The following CADPS2 variants were observed in gnomAD, a reference collection of about 807,000 sequenced individuals.
CADPS2 encodes the protein calcium dependent secretion activator 2.
Under a neutral mutation model 172.5 loss-of-function variants are expected in CADPS2, and 93 were observed. That is an observed-to-expected ratio of 0.54 (90% CI 0.46 to 0.64). CADPS2 has a LOEUF of 0.64. Ranked by LOEUF, CADPS2 falls within the 30% of genes least tolerant of loss-of-function variation. The pLI is 0.00. For missense variants in CADPS2, 1,420 were observed against 1,565.9 expected, an observed-to-expected ratio of 0.91 and a Z score of 1.57; for synonymous variants, 546 against 555.2, an observed-to-expected ratio of 0.98 and a Z score of 0.23.
intron 1 of CADPS2, among the ~76,000 whole-genome samples, chr7:122,758,869 G>GA (rs1277311030): frequency 6.6e-6 from 1 of 151,446 alleles, no homozygotes; most frequent in Non-Finnish European, 1.5e-5. Context: ...TTTAGGGGAG[G>GA]AAAAAAACAG....
chr7:122,486,387 A>G (rs2057816889), intron 11 of CADPS2, among the ~76,000 whole-genome samples: 1 of 152,148 alleles, frequency 6.6e-6, no homozygotes, highest in Non-Finnish European at 1.5e-5. Context: ...ACCCTCAGGG[A>G]TAACTTTAAG....
intron 2 of CADPS2, among the ~76,000 whole-genome samples, chr7:122,677,571 T>A (rs2082513599): frequency 6.6e-6 from 1 of 152,222 alleles, no homozygotes; most frequent in African/African-American, 2.4e-5. Context: ...AGCTAAAATT[T>A]ATTTTAGGGA....
intron 1 of CADPS2, among the ~76,000 whole-genome samples, chr7:122,752,209 C>T (rs978249203): frequency 6.6e-6 from 1 of 152,132 alleles, no homozygotes; most frequent in Non-Finnish European, 1.5e-5. Context: ...ACATTAGTTT[C>T]TTTCTCAGTT....
At chr7:122,605,194 C>G (rs544210516) in intron 6 of CADPS2, among the ~76,000 whole-genome samples, 1 of 152,058 alleles carries the variant, frequency 6.6e-6, no homozygotes, top group African/African-American at 2.4e-5. Context: ...CGGGAAGTTG[C>G]TCTAGGTGAG....
At chr7:122,619,496 G>C (rs552390314) in intron 5 of CADPS2, among the ~76,000 whole-genome samples, 50 of 151,664 alleles carry the variant, frequency 3.3e-4, no homozygotes, top group African/African-American at 1.2e-3. Flanking sequence ...GCATTGTGTT[G>C]CATGTCTGTA....
At chr7:122,404,136 T>TC (rs900116513) in intron 20 of CADPS2, among the ~76,000 whole-genome samples, 2 of 151,754 alleles carry the variant, frequency 1.3e-5, no homozygotes, top group Non-Finnish European at 2.9e-5. Context: ...ATGCTATCCC[T>TC]CCCCCCTCTC....
intron 1 of CADPS2, among the ~76,000 whole-genome samples, chr7:122,768,964 A>G (rs898265619): frequency 1.3e-5 from 2 of 152,312 alleles, no homozygotes; most frequent in East Asian, 1.9e-4. Context: ...CAGAAAAAAA[A>G]AAAGAAAGAA....
chr7:122,359,322 A>G (rs537968497), intron 27 of CADPS2, among the ~76,000 whole-genome samples: 8 of 152,112 alleles, frequency 5.3e-5, no homozygotes, highest in African/African-American at 1.9e-4. Flanking sequence ...GTAGGCTGCC[A>G]TATGGTCATC....
chr7:122,839,664 C>A lies in CADPS2; in HGVS notation c.339+46335G>T, dbSNP rs182952866. On this transcript the variant is annotated intron_variant, in intron 1 of 29. Transcript: ENST00000449022. ...CAAAAGAAGACATTTATGCAGCCAA[C>A]AGACACATGAGAAAATGCTCATCAC... is the stretch of plus-strand genomic sequence containing the variant. Among the ~76,000 whole-genome samples the A allele has an allele frequency of 2.6e-3, 390 of 152,256 alleles. 2 individuals are homozygous for A. The highest frequency in any genetic ancestry group is 8.3e-3 in the African/African-American group (344 of 41,550).
intron 1 of CADPS2, among the ~76,000 whole-genome samples, chr7:122,749,989 G>A (rs1461298199): frequency 1.3e-5 from 2 of 149,918 alleles, no homozygotes; most frequent in Non-Finnish European, 1.5e-5. Context: ...AAAAGAGAGA[G>A]TATGTAACTT....
At chr7:122,790,782 T>C (rs1413622720) in intron 1 of CADPS2, among the ~76,000 whole-genome samples, 1 of 152,174 alleles carries the variant, frequency 6.6e-6, no homozygotes, top group Non-Finnish European at 1.5e-5. Flanking sequence ...CATGACTAGT[T>C]CTGCCTAATT....
At chr7:122,735,201 A>G (rs2092058565) in intron 2 of CADPS2, among the ~76,000 whole-genome samples, 1 of 152,130 alleles carries the variant, frequency 6.6e-6, no homozygotes, top group Non-Finnish European at 1.5e-5. Flanking sequence ...ATTTTGGGGC[A>G]CTGCAACCAA....
intron 6 of CADPS2, among the ~76,000 whole-genome samples, chr7:122,581,954 A>T (rs987853906): frequency 6.6e-6 from 1 of 152,110 alleles, no homozygotes; most frequent in African/African-American, 2.4e-5. Flanking sequence ...CTCTTAATTA[A>T]TAGCATCTTG....
chr7:122,570,528 A>T (rs1381898719), intron 7 of CADPS2, among the ~76,000 whole-genome samples: 2 of 148,498 alleles, frequency 1.3e-5, no homozygotes, highest in Admixed American at 1.3e-4. Context: ...CCATCCCATT[A>T]CTGGGTATAT....
intron 3 of CADPS2, among the ~76,000 whole-genome samples, chr7:122,658,486 C>T (rs1045287486): frequency 6.6e-6 from 1 of 152,156 alleles, no homozygotes; most frequent in African/African-American, 2.4e-5. Context: ...TTGGAACCAA[C>T]CCAAATGTCA....
intron 7 of CADPS2, among the ~76,000 whole-genome samples, chr7:122,574,429 G>GAGT (rs2067690189): frequency 1.0e-5 from 1 of 96,466 alleles, no homozygotes; most frequent in Non-Finnish European, 1.9e-5. Context: ...CTGGGTGATA[G>GAGT]AGTGAGACCC....
chr7:122,416,025 A>T, intron 18 of CADPS2, 36 bp downstream of exon 18: 1 of 1,335,734 alleles, frequency 7.5e-7, no homozygotes, highest in Non-Finnish European at 1.0e-6. Context: ...GAAGCCTTAC[A>T]TATAGCTTTA....
chr7:122,490,364 A>C (rs2058176217), intron 10 of CADPS2, 83 bp from the exon 11 acceptor site: 4 of 1,040,228 alleles, frequency 3.8e-6, no homozygotes, highest in Non-Finnish European at 5.9e-6. Context: ...CCTCATGGAA[A>C]AGAATGGCTT....
intron 1 of CADPS2, among the ~76,000 whole-genome samples, chr7:122,805,593 TCCTTCCAAAATTG>T (rs1798627784): frequency 6.6e-6 from 1 of 152,224 alleles, no homozygotes; most frequent in Admixed American, 6.5e-5. Context: ...TAAGTTGTGG[TCCTTCCAAAATTG>T]CCTTCTCTTT....
Sources: gnomAD v4.1 joint callset for allele counts (sites outside exome capture counted in the v4.1 genomes callset) on GRCh38, gnomAD v4.1.1 for gene constraint, MANE v1.5 for transcripts, NCBI Gene and HGNC (gene_info 2026-07-23, HGNC 2026-07-21) for gene names.